NRXN1: variants seen among roughly 807,000 people sequenced by gnomAD.
NRXN1 encodes the protein neurexin-1.
NRXN1 carries 39 observed loss-of-function variants against 150.9 expected under a neutral mutation model. The observed-to-expected ratio is 0.26, with a 90% CI of 0.20 to 0.34. The LOEUF is 0.34. Among genes scored for constraint, NRXN1 ranks in the 10% least tolerant of loss-of-function variants. NRXN1 has a pLI of 1.00. For synonymous variants in NRXN1, 924 were observed against 757.0 expected, an observed-to-expected ratio of 1.22 and a Z score of -3.62; for missense variants, 1,815 against 1,949.9, an observed-to-expected ratio of 0.93 and a Z score of 1.30.
chr2:50,983,802 C>T (rs955627781), intron 2 of NRXN1, among the ~76,000 whole-genome samples: 1 of 152,050 alleles, frequency 6.6e-6, no homozygotes, highest in Non-Finnish European at 1.5e-5. Context: ...TAGTGACTTT[C>T]ACCTTCTTCA....
chr2:50,632,726 A>G (rs1216522028), intron 5 of NRXN1: 3 of 152,086 alleles, frequency 2.0e-5, no homozygotes. Flanking sequence ...GGCAAAATAT[A>G]TATTGATATC....
At chr2:50,615,149 T>C (rs1012968934) in intron 8 of NRXN1, among the ~76,000 whole-genome samples, 14 of 152,206 alleles carry the variant, frequency 9.2e-5, no homozygotes, top group African/African-American at 3.4e-4. Context: ...GCCGATCTAA[T>C]TAGGTTGATG....
At position 50,747,522 on chromosome 2, in the gene NRXN1, C is replaced by A. The variant is rs560328854; in HGVS notation, c.833-123907G>T. Among the ~76,000 whole-genome samples the A allele has an allele frequency of 5.9e-5, 9 of 152,050 alleles. No individual in the cohort carries two copies. The East Asian group carries it at 9.7e-4, about 16-fold the overall frequency. On this transcript the variant is annotated intron_variant, in intron 5 of 22. Coordinates refer to ENST00000401669, the MANE Select transcript of NRXN1 (RefSeq NM_001330078.2). Reference sequence around the variant, plus strand: ...CTCTTTCCCTGGTTTTCTTTTAATTCTATTTCCTCTCACCCCAAGCCAATC... The same window carrying A: ...CTCTTTCCCTGGTTTTCTTTTAATTATATTTCCTCTCACCCCAAGCCAATC...
chr2:50,879,114 T>C (rs2103659403), intron 5 of NRXN1, among the ~76,000 whole-genome samples: 1 of 152,032 alleles, frequency 6.6e-6, no homozygotes, highest in South Asian at 2.1e-4. Context: ...ATAGTGTGGC[T>C]GTACGTTATC....
Position 49,964,637 on chromosome 2 carries a change from C to G in NRXN1, c.4129-20846G>C, listed in dbSNP as rs577179892. Among the ~76,000 whole-genome samples the G allele has an allele frequency of 2.2e-4, 33 of 151,842 alleles. 1 individual carries two copies. In the East Asian group the frequency reaches 6.5e-3, roughly 30 times the overall value. On this transcript the variant is annotated intron_variant, in intron 21 of 22. Coordinates refer to ENST00000401669, the MANE Select transcript of NRXN1 (RefSeq NM_001330078.2). ...GGTGGATTGCCTGAGGTCAGGAGTT[C>G]GAGACCAGCCTGGCCAACATGGTGA...
chr2:49,984,839 T>C (rs976049503), intron 21 of NRXN1, among the ~76,000 whole-genome samples: 2 of 152,172 alleles, frequency 1.3e-5, no homozygotes, highest in Non-Finnish European at 1.5e-5. Flanking sequence ...TCCCATACCC[T>C]GGATTGAGTT....
chr2:50,074,152 C>T (rs1389363078), intron 19 of NRXN1, among the ~76,000 whole-genome samples: 1 of 151,932 alleles, frequency 6.6e-6, no homozygotes, highest in African/African-American at 2.4e-5. Context: ...AGCTAAGGGA[C>T]CCCAACACAG....
chr2:50,642,252 T>A (rs1179655371), intron 5 of NRXN1, among the ~76,000 whole-genome samples: 1 of 151,914 alleles, frequency 6.6e-6, no homozygotes, highest in African/African-American at 2.4e-5. Flanking sequence ...TTACAAGATA[T>A]TTACAATGCA....
intron 8 of NRXN1, among the ~76,000 whole-genome samples, chr2:50,578,027 G>T (rs905546363): frequency 1.6e-4 from 25 of 152,052 alleles, no homozygotes; most frequent in Non-Finnish European, 2.4e-4. Context: ...AGCAAAGAAA[G>T]AATAGTATTT....
At chr2:50,372,537 T>C (rs1191514866) in intron 17 of NRXN1, among the ~76,000 whole-genome samples, 1 of 152,076 alleles carries the variant, frequency 6.6e-6, no homozygotes, top group African/African-American at 2.4e-5. Context: ...AATCCAGTAC[T>C]TTGCCCAGAG....
intron 12 of NRXN1, among the ~76,000 whole-genome samples, chr2:50,524,999 G>A (rs2092907033): frequency 6.6e-6 from 1 of 152,188 alleles, no homozygotes; most frequent in Non-Finnish European, 1.5e-5. Flanking sequence ...TGCTTTGGCA[G>A]ATATAAAGAA....
chr2:50,071,165 A>C (rs912241235), intron 19 of NRXN1, among the ~76,000 whole-genome samples: 6 of 152,230 alleles, frequency 3.9e-5, no homozygotes, highest in African/African-American at 1.4e-4. Context: ...TGAACTAACT[A>C]GGCCGTATAA....
chr2:50,859,603 A>T (rs898367341), intron 5 of NRXN1, among the ~76,000 whole-genome samples: 26 of 144,362 alleles, frequency 1.8e-4, no homozygotes, highest in African/African-American at 6.4e-4. Flanking sequence ...GGTTACAGGT[A>T]TTTTTTTTTT....
chr2:50,453,978 C>T (rs1010888719), intron 17 of NRXN1, among the ~76,000 whole-genome samples: 6 of 152,028 alleles, frequency 3.9e-5, no homozygotes, highest in African/African-American at 1.2e-4. Context: ...AGTAAAGTGA[C>T]CAAAAAATAG....
chr2:50,868,008 A>G (rs868675961), intron 5 of NRXN1, among the ~76,000 whole-genome samples: 4 of 151,334 alleles, frequency 2.6e-5, no homozygotes, highest in African/African-American at 7.3e-5. Context: ...ATTCATTACT[A>G]TTTCTTTTAA....
intron 19 of NRXN1, among the ~76,000 whole-genome samples, chr2:50,076,859 GAAGT>G (rs1697186106): frequency 6.6e-6 from 1 of 152,170 alleles, no homozygotes; most frequent in Non-Finnish European, 1.5e-5. Context: ...CTGAATAGAA[GAAGT>G]AATAACCAGT....
intron 18 of NRXN1, among the ~76,000 whole-genome samples, chr2:50,135,863 A>G (rs1002471175): frequency 1.3e-5 from 2 of 152,218 alleles, no homozygotes; most frequent in African/African-American, 4.8e-5. Flanking sequence ...GAGGAAAAAG[A>G]AGTATTCCTG....
chr2:50,250,542 T>C (rs549267303), intron 17 of NRXN1, among the ~76,000 whole-genome samples: 5 of 152,204 alleles, frequency 3.3e-5, no homozygotes, highest in Admixed American at 3.3e-4. Flanking sequence ...AATCACATAG[T>C]AGAAATTAGG....
intron 12 of NRXN1, among the ~76,000 whole-genome samples, chr2:50,517,958 T>A (rs1391942640): frequency 6.6e-6 from 1 of 152,142 alleles, no homozygotes; most frequent in Non-Finnish European, 1.5e-5. Flanking sequence ...TTCTGGCCTA[T>A]AAATATCATT....
Sources: allele counts gnomAD v4.1 joint callset (sites outside exome capture counted in the v4.1 genomes callset), GRCh38; gene constraint gnomAD v4.1.1; transcripts MANE v1.5; gene names NCBI Gene and HGNC (gene_info 2026-07-23, HGNC 2026-07-21).